ZNF185: variants seen among roughly 807,000 people sequenced by gnomAD.
ZNF185 encodes the protein zinc finger protein 185 with LIM domain.
A neutral mutation model predicts 58.6 loss-of-function variants in ZNF185; 56 were observed. The observed-to-expected ratio is 0.95, with a 90% CI of 0.77 to 1.19. The LOEUF (loss-of-function observed/expected upper bound fraction) is 1.19. Among genes scored for constraint, ZNF185 ranks in the 50% most tolerant of loss-of-function variants. ZNF185 has a pLI of 0.00. For missense variants in ZNF185, 627 were observed against 573.5 expected, an observed-to-expected ratio of 1.09 and a Z score of -0.95; for synonymous variants, 230 against 215.9, an observed-to-expected ratio of 1.07 and a Z score of -0.57.
At chrX:152,945,134 C>T in intron 15 of ZNF185, 133 bp from the exon 18 acceptor site, 2 of 716,747 alleles carry the variant, frequency 2.8e-6, no homozygotes, top group Non-Finnish European at 4.1e-6. Context: ...CTGTGCCTGG[C>T]TCCTTTCTGC....
At chrX:152,942,128 G>T (rs1386933709) in intron 15 of ZNF185, among the ~76,000 whole-genome samples, 1 of 112,580 alleles carries the variant, frequency 8.9e-6, no homozygotes, top group Non-Finnish European at 1.9e-5. Context: ...CGTTCCCTAG[G>T]AGTTTGATGA....
At chrX:152,953,732 C>CTTTTA (rs781903061) in intron 16 of ZNF185, among the ~76,000 whole-genome samples, 48 of 111,371 alleles carry the variant, frequency 4.3e-4, no homozygotes, top group Admixed American at 3.3e-3. Flanking sequence ...TAGATAGAGA[C>CTTTTA]TTTTATTTTA....
chrX:152,922,258 T>C lies in ZNF185; in HGVS notation c.740+2T>C, dbSNP rs782775851. On this transcript the variant is annotated splice_donor_variant, in intron 10 of 22. Coordinates refer to ENST00000449285, the Ensembl canonical transcript of ZNF185. LOFTEE classifies it high-confidence loss of function. ...AAGATCCACTCCTGGCTCAAACAGG[T>C]AATCCATTGCGCTCATCTCTGCCTG... 2.9e-5 allele frequency: 34 copies of C among 1,173,035 alleles called. No homozygotes were observed. Among genetic ancestry groups the C allele is most frequent in the Non-Finnish European group, 3.8e-5 (33 of 876,032 alleles).
At chrX:152,947,485 A>C (rs1373053641) in intron 16 of ZNF185, among the ~76,000 whole-genome samples, 1 of 112,245 alleles carries the variant, frequency 8.9e-6, no homozygotes, top group Non-Finnish European at 1.9e-5. Context: ...TGGTGACAGG[A>C]ACTAGCTGAG....
intron 20 of ZNF185, among the ~76,000 whole-genome samples, chrX:152,969,105 T>A (rs2050414784): frequency 8.9e-6 from 1 of 112,026 alleles, no homozygotes; most frequent in Non-Finnish European, 1.9e-5. Flanking sequence ...AGGCAAACTG[T>A]CTGGAATAAG....
At chrX:152,916,302 G>A (rs909159864) in intron 3 of ZNF185, among the ~76,000 whole-genome samples, 2 of 111,003 alleles carry the variant, frequency 1.8e-5, no homozygotes, top group African/African-American at 6.6e-5. Flanking sequence ...GGTCTACCCT[G>A]ACCCCTTGAC....
At chrX:152,951,566 T>A (rs987585810) in intron 16 of ZNF185, among the ~76,000 whole-genome samples, 2 of 110,076 alleles carry the variant, frequency 1.8e-5, no homozygotes, top group African/African-American at 3.3e-5. Flanking sequence ...TTTTAGCAGT[T>A]TATATATATA....
intron 15 of ZNF185, chrX:152,941,699 A>G (rs1556889735): frequency 1.7e-6 from 2 of 1,163,169 alleles, no homozygotes; most frequent in East Asian, 3.3e-5. Flanking sequence ...GCGACCGTCC[A>G]CAAAGTGAAA....
At chrX:152,970,790 C>T (rs782668562) in intron 22 of ZNF185, among the ~76,000 whole-genome samples, 1 of 111,299 alleles carries the variant, frequency 9.0e-6, no homozygotes, top group Non-Finnish European at 1.9e-5. Context: ...GAGCCGAGCC[C>T]TCTAGCTACC....
rs185892721 is a variant in ZNF185 at position 152,921,079 on chromosome X, T to C, written c.656+331T>C. Among the ~76,000 whole-genome samples, 290 of 112,467 alleles carry C rather than the reference T, an allele frequency of 2.6e-3. 1 individual carries two copies. Among genetic ancestry groups the C allele is most frequent in the African/African-American group, 6.8e-3 (211 of 30,975 alleles). ...CCTGATGCCTTGCCTTCTGCTCTCA[T>C]CCAGGATCAAAACCTGGGCCATCAG... On this transcript the variant is annotated intron_variant, in intron 9 of 22. Transcript: ENST00000449285.
chrX:152,917,125 C>T lies in ZNF185; in HGVS notation c.225-6C>T, dbSNP rs568962693. The T allele has an allele frequency of 1.2e-5, 15 of 1,210,153 alleles. No individual in the cohort carries two copies. In the Admixed American group the frequency reaches 2.2e-4, roughly 18 times the overall value. ...GCTTCACTCCACCCCTTCTTCTCTTCGGCAGGCCTCCGAGCACAAGGGCTC... is the reference window on the plus strand; with the variant it reads ...GCTTCACTCCACCCCTTCTTCTCTTTGGCAGGCCTCCGAGCACAAGGGCTC... On this transcript the variant is annotated splice_region_variant and splice_polypyrimidine_tract_variant and intron_variant, in intron 3 of 22. Coordinates refer to ENST00000449285, the Ensembl canonical transcript of ZNF185.
rs782241972 is a variant in ZNF185 at position 152,919,003 on chromosome X, G to A, written c.452G>A (p.Arg151His). 32 of 1,208,188 alleles carry A rather than the reference G, an allele frequency of 2.6e-5. No individual in the cohort carries two copies. Among genetic ancestry groups the A allele is most frequent in the Admixed American group, 2.4e-4 (11 of 45,716 alleles). Residue 151 changes from arginine (R) to histidine (H), a missense_variant, in exon 7 of 23, where the codon CGC becomes CAC. Coordinates refer to ENST00000449285, the Ensembl canonical transcript of ZNF185. ...CTTAGGGCACCCTACAATATCAGGCGCAGCTCTACATCAGGGGACACCGAG... is the reference window on the plus strand; with the variant it reads ...CTTAGGGCACCCTACAATATCAGGCACAGCTCTACATCAGGGGACACCGAG...
intron 15 of ZNF185, among the ~76,000 whole-genome samples, chrX:152,938,809 A>G (rs1159062852): frequency 5.4e-5 from 5 of 92,297 alleles, no homozygotes; most frequent in Non-Finnish European, 9.0e-5. Context: ...TGGGAAGGAT[A>G]GTGCTCCGAA....
At chrX:152,961,116 GCTCT>G (rs1328090241) in intron 17 of ZNF185, among the ~76,000 whole-genome samples, 2 of 112,065 alleles carry the variant, frequency 1.8e-5, no homozygotes, top group East Asian at 5.6e-4. Context: ...TGATCTCTGT[GCTCT>G]CTCTGTCTCC....
chrX:152,941,527 G>A (rs1556889400), intron 15 of ZNF185: 1 of 424,017 alleles, frequency 2.4e-6, no homozygotes, highest in Non-Finnish European at 3.0e-6. Context: ...CTGGGTAGCG[G>A]GCACAGGACG....
intron 16 of ZNF185, among the ~76,000 whole-genome samples, chrX:152,958,019 G>A (rs901454687): frequency 4.5e-5 from 5 of 111,856 alleles, no homozygotes; most frequent in Non-Finnish European, 7.5e-5. Flanking sequence ...CCATTGCCCC[G>A]GGAGCCAAGC....
exon 1 of ZNF185, chrX:152,914,455 G>C (rs1426858070): frequency 2.6e-6 from 3 of 1,151,213 alleles, no homozygotes; most frequent in Non-Finnish European, 2.3e-6. Flanking sequence ...AAGCCCTGCT[G>C]AATCAAGTGA....
intron 16 of ZNF185, among the ~76,000 whole-genome samples, chrX:152,958,155 G>A (rs1350944713): frequency 3.6e-5 from 4 of 112,297 alleles, no homozygotes; most frequent in African/African-American, 1.3e-4. Context: ...CCTCCCGGGC[G>A]TAATGTGTAA....
chrX:152,899,335 C>T, the ZNF185 span, among the ~76,000 whole-genome samples: 1 of 112,651 alleles, frequency 8.9e-6, no homozygotes, highest in African/African-American at 3.2e-5. Context: ...TTCCCAGGGC[C>T]TCCGCTCCTC....
Sources: allele counts gnomAD v4.1 joint callset (sites outside exome capture counted in the v4.1 genomes callset), GRCh38; gene constraint gnomAD v4.1.1; transcripts MANE v1.5; gene names NCBI Gene and HGNC (gene_info 2026-07-23, HGNC 2026-07-21).